ATG7: variants seen among roughly 807,000 people sequenced by gnomAD.
ATG7 encodes the protein ubiquitin-like modifier-activating enzyme ATG7.
Under a neutral mutation model 82.4 loss-of-function variants are expected in ATG7, and 70 were observed. The observed-to-expected ratio is 0.85, with a 90% CI of 0.70 to 1.04. The LOEUF (loss-of-function observed/expected upper bound fraction) is 1.04, where lower values mean the gene tolerates loss of function less well. Among genes scored for constraint, ATG7 ranks in the 50% least tolerant of loss-of-function variants. The pLI is 0.00. For missense variants in ATG7, 792 were observed against 864.3 expected (o/e 0.92, Z 1.05); for synonymous variants, 287 against 313.0 (o/e 0.92, Z 0.88).
At chr3:11,511,066 C>T (rs542464304) in intron 20 of ATG7, among the ~76,000 whole-genome samples, 20 of 152,196 alleles carry the variant, frequency 1.3e-4, no homozygotes, top group South Asian at 4.2e-4. Context: ...TGCAGACCTT[C>T]GCGGTGAGTG....
chr3:11,285,943 C>A (rs1227892579), intron 3 of ATG7, among the ~76,000 whole-genome samples: 2 of 152,224 alleles, frequency 1.3e-5, no homozygotes, highest in Non-Finnish European at 2.9e-5. Flanking sequence ...TCTTTGTGGT[C>A]TCTTTCAGTC....
chr3:11,508,903 C>G (rs2153072768), intron 20 of ATG7, among the ~76,000 whole-genome samples: 1 of 152,290 alleles, frequency 6.6e-6, no homozygotes, highest in East Asian at 1.9e-4. Flanking sequence ...AAACTAATAA[C>G]AAATTAATAA....
At chr3:11,528,923 T>C (rs1447869190) in intron 20 of ATG7, among the ~76,000 whole-genome samples, 1 of 151,720 alleles carries the variant, frequency 6.6e-6, no homozygotes, top group Admixed American at 6.6e-5. Flanking sequence ...GATGTTGGAC[T>C]CATGACTGCA....
At chr3:11,322,824 C>T (rs964723534) in intron 9 of ATG7, among the ~76,000 whole-genome samples, 6 of 152,164 alleles carry the variant, frequency 3.9e-5, no homozygotes, top group Non-Finnish European at 7.3e-5. Context: ...TGAGGCTGAG[C>T]GTGGTGGCTC....
At chr3:11,452,857 C>G (rs2085328774) in intron 20 of ATG7, among the ~76,000 whole-genome samples, 1 of 152,108 alleles carries the variant, frequency 6.6e-6, no homozygotes. Context: ...AAAGTAACAC[C>G]TCCATGTTAC....
intron 20 of ATG7, among the ~76,000 whole-genome samples, chr3:11,428,028 A>G (rs2082525930): frequency 1.3e-5 from 2 of 152,204 alleles, no homozygotes; most frequent in African/African-American, 2.4e-5. Context: ...TCCACAAACT[A>G]TATAAGGAAA....
intron 19 of ATG7, among the ~76,000 whole-genome samples, chr3:11,406,380 T>A (rs1048496069): frequency 6.6e-6 from 1 of 152,106 alleles, no homozygotes; most frequent in African/African-American, 2.4e-5. Context: ...CATGGCTCAC[T>A]GAAGCCTCCA....
chr3:11,423,759 G>T (rs1177728810), intron 19 of ATG7, among the ~76,000 whole-genome samples: 2 of 152,004 alleles, frequency 1.3e-5, no homozygotes, highest in Non-Finnish European at 2.9e-5. Flanking sequence ...CAGCCTGCAG[G>T]TCTTTTCTTA....
intron 15 of ATG7, 147 bp from the exon 16 acceptor site, chr3:11,360,434 G>A (rs965654419): frequency 1.4e-6 from 1 of 736,414 alleles, no homozygotes; most frequent in African/African-American, 1.8e-5. Context: ...TCAGTAGTGG[G>A]TAGATTTTAT....
chr3:11,434,434 C>T (rs1304440564), intron 20 of ATG7, among the ~76,000 whole-genome samples: 1 of 152,158 alleles, frequency 6.6e-6, no homozygotes, highest in Non-Finnish European at 1.5e-5. Context: ...CCATGCTGGC[C>T]ATCCTGGGAC....
At chr3:11,530,340 G>A (rs942035242) in intron 20 of ATG7, among the ~76,000 whole-genome samples, 3 of 152,144 alleles carry the variant, frequency 2.0e-5, no homozygotes, top group Non-Finnish European at 4.4e-5. Context: ...CTGCCTGGCC[G>A]TACTCCGAGA....
intron 20 of ATG7, among the ~76,000 whole-genome samples, chr3:11,517,372 AAAC>A (rs2092313367): frequency 1.3e-5 from 2 of 152,030 alleles, no homozygotes; most frequent in Non-Finnish European, 2.9e-5. Flanking sequence ...GAAAAGAAAA[AAAC>A]AATGATGGAG....
chr3:11,429,403 G>A (rs1354579616), intron 20 of ATG7, among the ~76,000 whole-genome samples: 1 of 152,086 alleles, frequency 6.6e-6, no homozygotes, highest in Non-Finnish European at 1.5e-5. Context: ...GGCTGAGGCA[G>A]GAGAGTGACT....
In ATG7 at chr3:11,313,589, A is replaced by AT. The variant is rs564584181; in HGVS notation, c.528+176dup. The stretch of plus-strand genomic sequence containing the variant: ...TTATTTAGAAAATGTTTGTAAAGTC[A>AT]TTTTTTTGTATATATATTTATATAT... On this transcript the variant is annotated intron_variant, in intron 8 of 20. Transcript: ENST00000693202. 1.1e-4 allele frequency among the ~76,000 whole-genome samples: 16 copies of AT among 152,250 alleles called. No individual in the cohort carries two copies. In the East Asian group the frequency reaches 2.7e-3, roughly 26 times the overall value.
At chr3:11,423,820 G>A (rs771689832) in intron 19 of ATG7, among the ~76,000 whole-genome samples, 5 of 152,112 alleles carry the variant, frequency 3.3e-5, no homozygotes, top group Non-Finnish European at 7.4e-5. Context: ...CAGCCCCTCA[G>A]TTTCTCTGAC....
chr3:11,398,615 G>T (rs35578145), intron 19 of ATG7, among the ~76,000 whole-genome samples: 2 of 152,046 alleles, frequency 1.3e-5, no homozygotes, highest in Non-Finnish European at 2.9e-5. Context: ...CACTTTGGGG[G>T]GTCAAGGCAG....
intron 20 of ATG7, among the ~76,000 whole-genome samples, chr3:11,501,882 G>A (rs2091352502): frequency 6.6e-6 from 1 of 152,096 alleles, no homozygotes; most frequent in Non-Finnish European, 1.5e-5. Flanking sequence ...CAGAGACGGG[G>A]TTTCACCATG....
rs2091329433 is a variant in ATG7, at chr3:11,501,620, A to G, written c.2080-53191A>G. On this transcript the variant is annotated intron_variant, in intron 20 of 20. Coordinates refer to ENST00000693202, the MANE Select transcript of ATG7 (RefSeq NM_001349232.2). ...ATAGTAAATTATGTATTATGGTTGT[A>G]TAAGAAATTCCCTTTATTCTCAGGG... is the stretch of plus-strand genomic sequence containing the variant. 2.0e-5 allele frequency among the ~76,000 whole-genome samples: 3 copies of G among 152,192 alleles called. No individual in the cohort carries two copies. In the South Asian group the frequency reaches 6.2e-4, roughly 32 times the overall value.
intron 18 of ATG7, among the ~76,000 whole-genome samples, chr3:11,376,854 T>C (rs1394011353): frequency 6.6e-6 from 1 of 152,208 alleles, no homozygotes; most frequent in East Asian, 1.9e-4. Flanking sequence ...TTCTCCTGCC[T>C]CAGCCTCCCG....
Sources: gnomAD v4.1 joint callset for allele counts (sites outside exome capture counted in the v4.1 genomes callset) on GRCh38, gnomAD v4.1.1 for gene constraint, MANE v1.5 for transcripts, NCBI Gene and HGNC (gene_info 2026-07-23, HGNC 2026-07-21) for gene names.